SLC2A11: variants seen among roughly 807,000 people sequenced by gnomAD.
The protein encoded by SLC2A11 is solute carrier family 2 member 11, also known as solute carrier family 2, facilitated glucose transporter member 11.
A neutral mutation model predicts 52.1 loss-of-function variants in SLC2A11; 43 were observed. The ratio of observed to expected loss-of-function variants is 0.82; its 90% CI spans 0.65 to 1.06. The LOEUF is 1.06. Ranked by LOEUF, SLC2A11 falls within the 50% of genes least tolerant of loss-of-function variation. SLC2A11 has a pLI of 0.00. For missense variants in SLC2A11, 582 were observed against 654.2 expected (o/e 0.89, Z 1.20); for synonymous variants, 261 against 277.6 (o/e 0.94, Z 0.59).
rs1163301394 is a variant in SLC2A11 at position 23,884,275 on chromosome 22, GC to G, written c.1172-22del. 9.4e-6 allele frequency: 15 copies of G among 1,600,466 alleles called. No homozygotes were observed. Among genetic ancestry groups the G allele is most frequent in the Non-Finnish European group, 1.2e-5 (14 of 1,172,144 alleles). On this transcript the variant is annotated intron_variant, in intron 10 of 11. Transcript: ENST00000316185. This position sits in a 1 kb window ranked among gnomAD's most constrained non-coding sequence, Gnocchi z 4.3. The stretch of plus-strand genomic sequence containing the variant: ...GGCAGGCAGGGAACCCTGGCCAGCA[GC>G]CCCCTGTCCCTGCCCCTCCTTCTAG...
At chr22:23,866,174 A>G (rs1374987344) in intron 2 of SLC2A11, 1 of 138,604 alleles carries the variant, frequency 7.2e-6, no homozygotes, top group Non-Finnish European at 1.6e-5. Flanking sequence ...ATCTTTAAAA[A>G]AAAAAAAAGA....
chr22:23,857,842 C>CCT (rs901057386), upstream of SLC2A11: 128 of 1,502,030 alleles, frequency 8.5e-5, no homozygotes, highest in East Asian at 1.2e-4. Context: ...CGGGTTTGCT[C>CCT]CTCTCAAACG....
chr22:23,857,072 GT>G (rs142749648), upstream of SLC2A11: 4,391 of 1,003,106 alleles, frequency 4.4e-3, 29 homozygotes, highest in African/African-American at 0.016. Context: ...GTGTGTGTGT[GT>G]GGGGGGGGGG....
At chr22:23,864,233 G>T (rs2032179930) in intron 2 of SLC2A11, among the ~76,000 whole-genome samples, 1 of 152,064 alleles carries the variant, frequency 6.6e-6, no homozygotes, top group African/African-American at 2.4e-5. Context: ...ATAGAGGTGG[G>T]GATAGAAAGA....
intron 4 of SLC2A11, 29 bp downstream of exon 4, chr22:23,875,270 T>G (rs2032582080): frequency 7.3e-7 from 1 of 1,367,038 alleles, no homozygotes; most frequent in Non-Finnish European, 9.5e-7. Context: ...TCATCCTGCC[T>G]CTCTATGCCT....
intron 5 of SLC2A11, 55 bp downstream of exon 5, chr22:23,877,226 T>A: frequency 1.3e-6 from 2 of 1,572,470 alleles, no homozygotes; most frequent in Middle Eastern, 1.7e-4. Flanking sequence ...AGTAAAAGCG[T>A]TTCTTCACCT....
At chr22:23,864,999 C>T (rs1568986079) in intron 2 of SLC2A11, among the ~76,000 whole-genome samples, 2 of 151,026 alleles carry the variant, frequency 1.3e-5, no homozygotes, top group East Asian at 3.9e-4. Flanking sequence ...CCCAGCTCCT[C>T]CAGAGGCTGA....
In SLC2A11 at chr22:23,882,764, C is replaced by T. The variant is rs201752284; in HGVS notation, c.888C>T (p.Tyr296=). The change falls in exon 8 of 12, where the codon TAC becomes TAT. Residue 296 remains tyrosine, a synonymous_variant. Transcript: ENST00000316185. ...TGAAAGCCACCCTCTCCCAGGTGTA[C>T]GCCTACGCCTCCTCCGTGTTCCGGA... ...AMELCGNDSV[Y]AYASSVFRKA... The T allele has an allele frequency of 1.8e-5, 29 of 1,611,694 alleles. No homozygotes were observed. The highest frequency in any genetic ancestry group is 3.4e-6 in the Non-Finnish European group (4 of 1,178,972).
At chr22:23,868,097 G>A (rs986227886) in intron 2 of SLC2A11, 2 of 303,252 alleles carry the variant, frequency 6.6e-6, no homozygotes, top group Non-Finnish European at 1.3e-5. Flanking sequence ...GGTGGATAGT[G>A]TCAGAATGGG....
chr22:23,865,778 A>T (rs1446214772), intron 2 of SLC2A11: 1 of 152,260 alleles, frequency 6.6e-6, no homozygotes, highest in Non-Finnish European at 1.5e-5. Context: ...GTGGAGGATG[A>T]GGATTCTAGC....
intron 2 of SLC2A11, chr22:23,867,613 T>A (rs1436819118): frequency 1.1e-5 from 5 of 463,738 alleles, no homozygotes; most frequent in Non-Finnish European, 2.2e-5. Context: ...TGCCTCAGGA[T>A]GGAGCTGGTC....
intron 2 of SLC2A11, 97 bp downstream of exon 2, chr22:23,862,299 C>A: frequency 9.2e-7 from 1 of 1,085,242 alleles, no homozygotes; most frequent in South Asian, 1.3e-5. Context: ...CACTAGGTGG[C>A]ACTTTCTGCC....
upstream of SLC2A11, chr22:23,857,293 G>T: frequency 4.5e-6 from 4 of 882,248 alleles, no homozygotes; most frequent in Non-Finnish European, 7.2e-6. Context: ...GGGACGAGGG[G>T]CCAGAGCCGG....
intron 2 of SLC2A11, among the ~76,000 whole-genome samples, chr22:23,863,713 G>A (rs187566447): frequency 4.7e-4 from 65 of 139,054 alleles, no homozygotes; most frequent in Non-Finnish European, 5.0e-4. Flanking sequence ...GCCCCGTCCC[G>A]AGCTCAGGCG....
Position 23,860,367 on chromosome 22 carries a change from T to C in SLC2A11, c.31-1737T>C, listed in dbSNP as rs982732123. On this transcript the variant is annotated intron_variant, in intron 1 of 11. Coordinates refer to ENST00000316185, the MANE Select transcript of SLC2A11 (RefSeq NM_001024939.4). ...AGGTTGAGGCTGCAGTGAATCAAGATTGCGACACTGCACTCCAGCCTGGGT... is the reference window on the plus strand; with the variant it reads ...AGGTTGAGGCTGCAGTGAATCAAGACTGCGACACTGCACTCCAGCCTGGGT... Among the ~76,000 whole-genome samples the C allele has an allele frequency of 2.6e-5, 4 of 152,158 alleles. 1 individual carries two copies. The highest frequency in any genetic ancestry group is 2.0e-4 in the Admixed American group (3 of 15,278).
At chr22:23,875,052 C>T (rs1336774365) in intron 3 of SLC2A11, 65 bp from the exon 4 acceptor site, 1 of 1,450,238 alleles carries the variant, frequency 6.9e-7, no homozygotes, top group African/African-American at 1.4e-5. Context: ...AAAGAGTGGT[C>T]CCCAGGGATG....
intron 6 of SLC2A11, among the ~76,000 whole-genome samples, chr22:23,879,137 AT>A (rs201504551): frequency 6.6e-6 from 1 of 151,396 alleles, no homozygotes. Context: ...TGGTTCTTTT[AT>A]TTTTTTTATT....
intron 2 of SLC2A11, chr22:23,868,090 G>T (rs2032328426): frequency 6.7e-6 from 2 of 299,548 alleles, no homozygotes; most frequent in South Asian, 3.5e-5. Flanking sequence ...AACTCCAGGT[G>T]GATAGTGTCA....
At chr22:23,857,684 T>G (rs111242262), upstream of SLC2A11, among the ~76,000 whole-genome samples, 29 of 146,920 alleles carry the variant, frequency 2.0e-4, 1 homozygote, top group African/African-American at 6.5e-4. Flanking sequence ...TCAGGCGCCC[T>G]CCGCGACACT....
Sources: allele counts gnomAD v4.1 joint callset (sites outside exome capture counted in the v4.1 genomes callset), GRCh38; gene constraint gnomAD v4.1.1; non-coding constraint Gnocchi (gnomAD v3.1); transcripts MANE v1.5; gene names NCBI Gene and HGNC (gene_info 2026-07-23, HGNC 2026-07-21).